The following AATF variants were observed in gnomAD, a reference collection of about 807,000 sequenced individuals.
The protein encoded by AATF is apoptosis antagonizing transcription factor.
AATF carries 48 observed loss-of-function variants against 63.7 expected under a neutral mutation model. That is an observed-to-expected ratio of 0.75 (90% CI 0.60 to 0.96). The LOEUF (loss-of-function observed/expected upper bound fraction) is 0.96, where lower values mean the gene tolerates loss of function less well. Ranked by LOEUF, AATF falls within the 40% of genes least tolerant of loss-of-function variation. AATF has a pLI of 0.00. For synonymous variants in AATF, 258 were observed against 247.7 expected, an observed-to-expected ratio of 1.04 and a Z score of -0.39; for missense variants, 639 against 685.7, an observed-to-expected ratio of 0.93 and a Z score of 0.76.
At chr17:37,009,823 CAAAAA>C (rs1160362372) in intron 8 of AATF, among the ~76,000 whole-genome samples, 5 of 28,798 alleles carry the variant, frequency 1.7e-4, no homozygotes, top group East Asian at 1.9e-3. Context: ...GACTCCGTCT[CAAAAA>C]AAAAAAAAAA....
intron 11 of AATF, among the ~76,000 whole-genome samples, chr17:37,051,899 C>A (rs1458834360): frequency 1.3e-5 from 2 of 152,086 alleles, no homozygotes; most frequent in Non-Finnish European, 2.9e-5. Flanking sequence ...AGCTTAATGA[C>A]AGTTTAAAAG....
intron 5 of AATF, among the ~76,000 whole-genome samples, chr17:36,987,248 C>G (rs1375233485): frequency 6.6e-6 from 1 of 151,706 alleles, no homozygotes; most frequent in Non-Finnish European, 1.5e-5. Context: ...ACCTCAGCCT[C>G]CCAAAGTGCT....
At chr17:37,033,075 C>T (rs902877548) in intron 11 of AATF, among the ~76,000 whole-genome samples, 1 of 152,172 alleles carries the variant, frequency 6.6e-6, no homozygotes, top group African/African-American at 2.4e-5. Context: ...ATGAGATCTG[C>T]AAATTTTGAC....
At chr17:37,011,772 A>G (rs115415338) in intron 8 of AATF, among the ~76,000 whole-genome samples, 155 of 152,318 alleles carry the variant, frequency 1.0e-3, no homozygotes, top group African/African-American at 3.6e-3. Context: ...TAGGATGAGT[A>G]GTGCTAGATG....
Position 36,952,956 on chromosome 17 carries a change from T to G in AATF, c.354T>G (p.Asp118Glu). The G allele has an allele frequency of 6.2e-7, 1 of 1,614,132 alleles. No homozygotes were observed. The highest frequency in any genetic ancestry group is 8.5e-7 in the Non-Finnish European group (1 of 1,180,034). ...DSEGLGLEEYDEDDLGAAEEQ... is the reference protein window; with the variant it reads ...DSEGLGLEEYEEDDLGAAEEQ... ...AGGGACTGGGTCTGGAGGAATATGA[T>G]GAGGACGACCTGGGTGCTGCTGAGG... is the stretch of plus-strand genomic sequence containing the variant. The change falls in exon 3 of 12, where the codon GAT becomes GAG. Residue 118 changes from aspartate (D) to glutamate (E), a missense_variant. Transcript: ENST00000619387.
intron 10 of AATF, among the ~76,000 whole-genome samples, chr17:37,028,123 AT>A (rs2142296996): frequency 6.6e-6 from 1 of 152,330 alleles, no homozygotes; most frequent in South Asian, 2.1e-4. Flanking sequence ...TCTAAGAGTT[AT>A]GTATTGGCCA....
chr17:37,038,674 C>G (rs1212316714), intron 11 of AATF, among the ~76,000 whole-genome samples: 1 of 152,128 alleles, frequency 6.6e-6, no homozygotes, highest in Non-Finnish European at 1.5e-5. Context: ...GTACTCCATT[C>G]CTTTGCAAAT....
At chr17:37,001,425 A>G (rs1201525840) in intron 8 of AATF, among the ~76,000 whole-genome samples, 2 of 114,628 alleles carry the variant, frequency 1.7e-5, no homozygotes, top group African/African-American at 8.4e-5. Context: ...GGAAGGAAGG[A>G]AGGAAGGAAG....
At chr17:37,001,495 T>C (rs2071298150) in intron 8 of AATF, among the ~76,000 whole-genome samples, 1 of 146,918 alleles carries the variant, frequency 6.8e-6, no homozygotes, top group Non-Finnish European at 1.5e-5. Flanking sequence ...TTACACACCA[T>C]GACCAAGAAG....
rs1365864121 is a variant in AATF at position 37,020,982 on chromosome 17, A to T, written c.1515A>T (p.Val505=). The part of the protein sequence containing the change: ...QKLRSKIHKK[V]DRKASKGRKL... Reference sequence around the variant, plus strand: ...TACGAAGCAAAATCCACAAAAAAGTAGATAGGAAAGCCAGCAAAGGCAGGA... The same window carrying T: ...TACGAAGCAAAATCCACAAAAAAGTTGATAGGAAAGCCAGCAAAGGCAGGA... The change falls in exon 10 of 12, where the codon GTA becomes GTT. Residue 505 remains valine (V), a synonymous_variant. Coordinates refer to ENST00000619387, the MANE Select transcript of AATF (RefSeq NM_012138.4). 1 of 1,611,856 alleles carries T rather than the reference A, an allele frequency of 6.2e-7. No individual in the cohort carries two copies. The highest frequency in any genetic ancestry group is 2.2e-5 in the East Asian group (1 of 44,738).
At chr17:37,018,926 A>G in intron 8 of AATF, 79 bp from the exon 9 acceptor site, 1 of 1,185,634 alleles carries the variant, frequency 8.4e-7, no homozygotes, top group Non-Finnish European at 1.3e-6. Context: ...TATGCCATTC[A>G]GAATTCCTTC....
intron 8 of AATF, among the ~76,000 whole-genome samples, chr17:37,007,970 C>A (rs767670581): frequency 4.6e-5 from 7 of 152,122 alleles, no homozygotes; most frequent in Non-Finnish European, 1.0e-4. Context: ...CCATAGCATA[C>A]TTTTTAAATG....
intron 8 of AATF, among the ~76,000 whole-genome samples, chr17:36,992,584 A>C (rs1485087346): frequency 6.6e-6 from 1 of 151,452 alleles, no homozygotes; most frequent in Non-Finnish European, 1.5e-5. Context: ...ACTGGGGAGA[A>C]GTTGCCTCTG....
intron 7 of AATF, 42 bp downstream of exon 7, chr17:36,989,453 C>A (rs1567975309): frequency 1.3e-6 from 2 of 1,528,926 alleles, no homozygotes; most frequent in South Asian, 1.3e-5. Context: ...GGAATAGTTT[C>A]TATGAGGCTT....
At chr17:37,012,433 AT>A (rs1243147900) in intron 8 of AATF, among the ~76,000 whole-genome samples, 1 of 152,172 alleles carries the variant, frequency 6.6e-6, no homozygotes, top group Non-Finnish European at 1.5e-5. Context: ...AAATAGATAC[AT>A]TTTCACTAAG....
chr17:36,995,429 A>G (rs1301552206), intron 8 of AATF, among the ~76,000 whole-genome samples: 1 of 152,206 alleles, frequency 6.6e-6, no homozygotes, highest in Non-Finnish European at 1.5e-5. Flanking sequence ...TTGGTGAGCG[A>G]TTAATATGGA....
At chr17:37,001,180 A>T (rs1230170785) in intron 8 of AATF, among the ~76,000 whole-genome samples, 2 of 152,000 alleles carry the variant, frequency 1.3e-5, no homozygotes, top group East Asian at 3.9e-4. Context: ...CTATCCAGGC[A>T]TGGTGGTCCA....
intron 10 of AATF, among the ~76,000 whole-genome samples, chr17:37,024,460 C>T (rs1021345481): frequency 6.6e-6 from 1 of 152,194 alleles, no homozygotes; most frequent in African/African-American, 2.4e-5. Flanking sequence ...GTTCTTTTAA[C>T]CTCTGGCTGT....
intron 4 of AATF, among the ~76,000 whole-genome samples, chr17:36,980,898 C>CTTT (rs1234706804): frequency 7.5e-5 from 10 of 132,948 alleles, no homozygotes; most frequent in African/African-American, 2.2e-4. Context: ...CTTTGATAAA[C>CTTT]TTTTTTTTTT....
Sources: gnomAD v4.1 joint callset for allele counts (sites outside exome capture counted in the v4.1 genomes callset) on GRCh38, gnomAD v4.1.1 for gene constraint, MANE v1.5 for transcripts, NCBI Gene and HGNC (gene_info 2026-07-23, HGNC 2026-07-21) for gene names.